The following OTOGL variants were observed in gnomAD, a reference collection of about 807,000 sequenced individuals.
OTOGL encodes otogelin-like protein.
Under a neutral mutation model 318.5 loss-of-function variants are expected in OTOGL, and 285 were observed. The observed-to-expected ratio is 0.89, with a 90% confidence interval of 0.81 to 0.99. The LOEUF is 0.99. OTOGL is among the 50% of genes least tolerant of loss of function. The pLI is 0.00. For missense variants in OTOGL, 2,899 were observed against 2,845.6 expected (o/e 1.02, Z -0.43); for synonymous variants, 987 against 936.5 (o/e 1.05, Z -0.99).
At chr12:80,356,668 T>G (rs1054828336) in intron 48 of OTOGL, 139 bp from the exon 49 acceptor site, 10 of 663,936 alleles carry the variant, frequency 1.5e-5, no homozygotes, top group Non-Finnish European at 2.4e-5. Context: ...CTGGTATATA[T>G]CTTTCATATA....
intron 7 of OTOGL, among the ~76,000 whole-genome samples, chr12:80,222,917 C>A (rs761217327): frequency 1.3e-5 from 2 of 151,610 alleles, no homozygotes; most frequent in African/African-American, 4.9e-5. Flanking sequence ...TCTTTTTTTT[C>A]ATAGGTTTTT....
At chr12:80,319,321 C>T (rs1425760094) in intron 33 of OTOGL, among the ~76,000 whole-genome samples, 1 of 152,146 alleles carries the variant, frequency 6.6e-6, no homozygotes, top group Admixed American at 6.6e-5. Context: ...GATGTTCAGG[C>T]TACCTCATGT....
intron 28 of OTOGL, among the ~76,000 whole-genome samples, chr12:80,305,194 A>T (rs773042727): frequency 2.4e-4 from 36 of 152,280 alleles, no homozygotes; most frequent in Admixed American, 8.5e-4. Flanking sequence ...TATGAATTAC[A>T]TATGTATATA....
chr12:80,167,526 A>G (rs1377692403), intron 1 of OTOGL, among the ~76,000 whole-genome samples: 1 of 152,164 alleles, frequency 6.6e-6, no homozygotes, highest in Non-Finnish European at 1.5e-5. Flanking sequence ...TAAAAGTGAG[A>G]TAGATATTAA....
At position 80,207,370 on chromosome 12, in the gene OTOGL, T is replaced by G. The variant is rs546948171; in HGVS notation, c.-19-2043T>G. 2.2e-4 allele frequency among the ~76,000 whole-genome samples: 33 copies of G among 152,144 alleles called. 1 individual carries two copies. The South Asian group carries it at 3.3e-3, about 15-fold the overall frequency. ...GTATGCGCCACCACTCCCAGCTATTTTGTTTTGTATTTTTAGTAGAGACGG... is the reference window on the plus strand; with the variant it reads ...GTATGCGCCACCACTCCCAGCTATTGTGTTTTGTATTTTTAGTAGAGACGG... On this transcript the variant is annotated intron_variant, in intron 1 of 58. Transcript: ENST00000547103.
At chr12:80,362,606 A>T (rs952833718) in intron 52 of OTOGL, among the ~76,000 whole-genome samples, 3 of 152,204 alleles carry the variant, frequency 2.0e-5, no homozygotes, top group Non-Finnish European at 4.4e-5. Flanking sequence ...TGGGGAGCAC[A>T]TTAAAACTTA....
chr12:80,178,810 G>A (rs1239246034), intron 1 of OTOGL, among the ~76,000 whole-genome samples: 5 of 152,120 alleles, frequency 3.3e-5, no homozygotes, highest in African/African-American at 7.2e-5. Context: ...TTTATAAATC[G>A]TTCTTTTATC....
At chr12:80,271,870 T>G in intron 24 of OTOGL, 60 bp downstream of exon 24, 1 of 1,517,640 alleles carries the variant, frequency 6.6e-7, no homozygotes, top group South Asian at 1.2e-5. Context: ...CAATATCTCC[T>G]GAAAACATTC....
intron 56 of OTOGL, 91 bp downstream of exon 56, chr12:80,370,780 C>T: frequency 1.0e-6 from 1 of 961,328 alleles, no homozygotes; most frequent in Non-Finnish European, 1.4e-6. Flanking sequence ...TTCATTGTGG[C>T]TTATACATAA....
intron 1 of OTOGL, among the ~76,000 whole-genome samples, chr12:80,149,006 C>T (rs1407693488): frequency 6.6e-6 from 1 of 152,142 alleles, no homozygotes; most frequent in African/African-American, 2.4e-5. Flanking sequence ...TGAATGTCCT[C>T]CTGTAGCTCA....
chr12:80,123,881 G>T (rs917139335), intron 1 of OTOGL, among the ~76,000 whole-genome samples: 32 of 151,988 alleles, frequency 2.1e-4, no homozygotes, highest in Admixed American at 2.1e-3. Flanking sequence ...TTTTTGATGG[G>T]GTTGTTTGTT....
At chr12:80,209,664 A>G (rs918024404) in intron 2 of OTOGL, among the ~76,000 whole-genome samples, 154 bp downstream of exon 2, 5 of 152,154 alleles carry the variant, frequency 3.3e-5, no homozygotes, top group Non-Finnish European at 4.4e-5. Flanking sequence ...ATTCTTAATA[A>G]TGTAGATAAT....
rs557653135 is a variant in OTOGL at position 80,379,272 on chromosome 12, A to T, written c.*1224A>T. 6.6e-6 allele frequency: 1 copy of T among 152,148 alleles called. No homozygotes were observed. The highest frequency in any genetic ancestry group is 1.9e-4 in the East Asian group (1 of 5,190). 9.4% of individuals were successfully genotyped at this position (152,148 alleles called of 1,614,324 possible). ...GTAATTGTATCAAGTGAAGTCAAAC[A>T]TCAACAAAAGAACAGTAAAGTCTCA... On this transcript the variant is annotated 3_prime_UTR_variant, in exon 59 of 59. Transcript: ENST00000547103.
intron 9 of OTOGL, among the ~76,000 whole-genome samples, chr12:80,237,497 G>A (rs1053499368): frequency 1.3e-5 from 2 of 152,112 alleles, no homozygotes; most frequent in East Asian, 1.9e-4. Context: ...GAAGATTTTA[G>A]GAAAGAGTGG....
At chr12:80,367,044 C>G (rs922705315) in intron 53 of OTOGL, among the ~76,000 whole-genome samples, 3 of 151,902 alleles carry the variant, frequency 2.0e-5, no homozygotes, top group Non-Finnish European at 2.9e-5. Context: ...TGGCCCCATC[C>G]TAGCCCACTG....
intron 22 of OTOGL, among the ~76,000 whole-genome samples, chr12:80,268,697 GGATTTTACTT>G (rs1272583027): frequency 1.3e-5 from 2 of 151,886 alleles, no homozygotes; most frequent in African/African-American, 2.4e-5. Context: ...CAGCAACTTT[GGATTTTACTT>G]GATTTTACTT....
intron 1 of OTOGL, among the ~76,000 whole-genome samples, chr12:80,203,697 CT>C (rs1219354070): frequency 6.6e-6 from 1 of 152,196 alleles, no homozygotes; most frequent in African/African-American, 2.4e-5. Context: ...TCCTCTGTTT[CT>C]TTCCCCTCCA....
intron 11 of OTOGL, 131 bp downstream of exon 11, chr12:80,239,570 C>A (rs1880188366): frequency 1.6e-6 from 1 of 630,542 alleles, no homozygotes; most frequent in East Asian, 3.0e-5. Context: ...AAACTGCAAA[C>A]AGCTATTAAA....
chr12:80,365,278 G>T (rs759303714), intron 52 of OTOGL, among the ~76,000 whole-genome samples: 2 of 152,102 alleles, frequency 1.3e-5, no homozygotes, highest in Non-Finnish European at 2.9e-5. Flanking sequence ...AGACTTTACA[G>T]GAGAGGGATG....
Sources: allele counts gnomAD v4.1 joint callset (sites outside exome capture counted in the v4.1 genomes callset), GRCh38; gene constraint gnomAD v4.1.1; transcripts MANE v1.5; gene names NCBI Gene and HGNC (gene_info 2026-07-23, HGNC 2026-07-21).